The following CRMP1 variants were observed in gnomAD, a reference collection of about 807,000 sequenced individuals.
The protein encoded by CRMP1 is dihydropyrimidinase-related protein 1.
In CRMP1, 19 loss-of-function variants were observed where a neutral mutation model predicts 68.3. The ratio of observed to expected loss-of-function variants is 0.28; its 90% CI spans 0.19 to 0.41. CRMP1 has a LOEUF of 0.41. Among genes scored for constraint, CRMP1 ranks in the 10% least tolerant of loss-of-function variants. The probability of loss-of-function intolerance (pLI) is 1.00; values close to 1 mark genes in which losing one functional copy is unlikely to be tolerated. For missense variants in CRMP1, 791 were observed against 967.4 expected (o/e 0.82, Z 2.42); for synonymous variants, 439 against 399.6 (o/e 1.10, Z -1.18).
chr4:5,878,666 C>G (rs1471866524), intron 1 of CRMP1, among the ~76,000 whole-genome samples: 2 of 152,326 alleles, frequency 1.3e-5, no homozygotes, highest in Admixed American at 6.5e-5. Context: ...TACCTAGGCT[C>G]TAACGTGGCC....
In CRMP1 at chr4:5,867,655, G is replaced by A. The variant is rs113117972; in HGVS notation, c.382-899C>T. 7.9e-3 allele frequency among the ~76,000 whole-genome samples: 1,204 copies of A among 152,204 alleles called. 7 individuals are homozygous for A. Among genetic ancestry groups the A allele is most frequent in the Non-Finnish European group, 0.011 (739 of 68,008 alleles). On this transcript the variant is annotated intron_variant, in intron 1 of 13. Transcript: ENST00000324989. ...GGCACAGAGCTGGAATCTGCTTTCA[G>A]GGGGTTGACAGATGGAGAGACAGAT... is the stretch of plus-strand genomic sequence containing the variant.
chr4:5,856,825 C>T (rs1713105493), intron 3 of CRMP1, among the ~76,000 whole-genome samples: 1 of 147,656 alleles, frequency 6.8e-6, no homozygotes, highest in African/African-American at 2.5e-5. Context: ...ATCATTACCA[C>T]CATCCACTAT....
chr4:5,824,914 G>C, intron 13 of CRMP1: 1 of 985,392 alleles, frequency 1.0e-6, no homozygotes, highest in Non-Finnish European at 1.2e-6. Flanking sequence ...GGAGGGATCA[G>C]GTCAACATCT....
chr4:5,866,230 C>A lies in CRMP1; in HGVS notation c.470+438G>T, dbSNP rs1713989625. 6.6e-6 allele frequency among the ~76,000 whole-genome samples: 1 copy of A among 152,184 alleles called. No individual in the cohort carries two copies. The highest frequency in any genetic ancestry group is 2.4e-5 in the African/African-American group (1 of 41,444). On this transcript the variant is annotated intron_variant, in intron 2 of 13. Transcript: ENST00000324989. This position sits in a 1 kb window ranked among gnomAD's most constrained non-coding sequence, Gnocchi z 5.9. ...GCCACACATTCCTCCTTCCTCTCTG[C>A]TCTCCTCAACCCAATTCCAGAAACT...
chr4:5,827,116 A>AC (rs1014585821), intron 12 of CRMP1, among the ~76,000 whole-genome samples: 8 of 151,080 alleles, frequency 5.3e-5, no homozygotes, highest in African/African-American at 1.5e-4. Context: ...GTGCAATGGG[A>AC]CCCCCCGATC....
At position 5,872,551 on chromosome 4, in the gene CRMP1, G is replaced by A. The variant is rs1714531573; in HGVS notation, c.382-5795C>T. ...AAAATGCAAAAATTAGTTGGGCGTGGTGGCAGGCACCTGTAATCCCAGCTA... is the reference window on the plus strand; with the variant it reads ...AAAATGCAAAAATTAGTTGGGCGTGATGGCAGGCACCTGTAATCCCAGCTA... On this transcript the variant is annotated intron_variant, in intron 1 of 13. Transcript: ENST00000324989. The surrounding 1 kb of genome is among the most constrained non-coding windows in gnomAD (Gnocchi z 4.6). 6.6e-6 allele frequency among the ~76,000 whole-genome samples: 1 copy of A among 152,168 alleles called. No individual in the cohort carries two copies. Among genetic ancestry groups the A allele is most frequent in the African/African-American group, 2.4e-5 (1 of 41,446 alleles).
In CRMP1 at chr4:5,891,193, C is replaced by CAG. The variant is rs1313054741; in HGVS notation, c.381+1395_381+1396insCT. Among the ~76,000 whole-genome samples the CAG allele has an allele frequency of 2.0e-5, 3 of 150,912 alleles. No homozygotes were observed. The highest frequency in any genetic ancestry group is 4.4e-5 in the Non-Finnish European group (3 of 67,700). On this transcript the variant is annotated intron_variant, in intron 1 of 13. Coordinates refer to ENST00000324989, the MANE Select transcript of CRMP1 (RefSeq NM_001014809.3). The surrounding 1 kb of genome is among the most constrained non-coding windows in gnomAD (Gnocchi z 5.2). ...ACACACATACACACACACACACACACACACACACACACACACACACCCTTG... is the reference window on the plus strand; with the variant it reads ...ACACACATACACACACACACACACACAGACACACACACACACACACACCCTTG...
chr4:5,825,193 G>T lies in CRMP1; in HGVS notation c.1969+301C>A. 1.0e-6 allele frequency: 1 copy of T among 985,398 alleles called. No individual in the cohort carries two copies. Among genetic ancestry groups the T allele is most frequent in the Non-Finnish European group, 1.2e-6 (1 of 829,926 alleles). 61.0% of individuals were successfully genotyped at this position (985,398 alleles called of 1,614,324 possible). ...ACTCCATGTTTACTTTCATGAGGAA[G>T]AGTGTGAAAGTGTCCCCAAATGTGT... On this transcript the variant is annotated intron_variant, in intron 13 of 13. Transcript: ENST00000324989. This position sits in a 1 kb window ranked among gnomAD's most constrained non-coding sequence, Gnocchi z 4.4.
chr4:5,887,366 G>A, intron 1 of CRMP1: 2 of 985,574 alleles, frequency 2.0e-6, no homozygotes, highest in South Asian at 9.4e-5. Flanking sequence ...CCCGCCTCCC[G>A]GCCCCGGGCT....
intron 11 of CRMP1, among the ~76,000 whole-genome samples, chr4:5,833,679 G>C (rs1720532960): frequency 6.6e-6 from 1 of 152,174 alleles, no homozygotes; most frequent in African/African-American, 2.4e-5. Context: ...AACAGTATTT[G>C]GCTGGATTGT....
intron 1 of CRMP1, among the ~76,000 whole-genome samples, chr4:5,885,975 G>A (rs1715557472): frequency 6.6e-6 from 1 of 152,192 alleles, no homozygotes; most frequent in Admixed American, 6.5e-5. Context: ...ATTTAAGGCA[G>A]GGATCTGGTT....
chr4:5,851,909 AAG>A (rs1263032104), intron 4 of CRMP1, among the ~76,000 whole-genome samples: 5 of 135,368 alleles, frequency 3.7e-5, no homozygotes, highest in Non-Finnish European at 6.4e-5. Context: ...AAAAAGGAGA[AAG>A]AGAAGGAGAA....
chr4:5,870,447 G>A lies in CRMP1; in HGVS notation c.382-3691C>T, dbSNP rs902242840. ...GCATGACACAGGCGTTGGTGGGGAC[G>A]GCACTGCCTGGAGTTTGCACAGCAC... On this transcript the variant is annotated intron_variant, in intron 1 of 13. Transcript: ENST00000324989. The surrounding 1 kb of genome is among the most constrained non-coding windows in gnomAD (Gnocchi z 6.0). 3.3e-5 allele frequency among the ~76,000 whole-genome samples: 5 copies of A among 152,220 alleles called. No individual in the cohort carries two copies. Among genetic ancestry groups the A allele is most frequent in the African/African-American group, 9.6e-5 (4 of 41,462 alleles).
In CRMP1 at chr4:5,848,206, G is replaced by C. The variant is rs551856067; in HGVS notation, c.963+1186C>G. On this transcript the variant is annotated intron_variant, in intron 6 of 13. Transcript: ENST00000324989. ...GTTGCCCAGGCTGGAGTGCAGTGGC[G>C]TGATCTCAGCTCACTGCAAGCTCCA... Among the ~76,000 whole-genome samples the C allele has an allele frequency of 1.3e-4, 20 of 150,976 alleles. No individual in the cohort carries two copies. In the South Asian group the frequency reaches 4.2e-3, roughly 32 times the overall value.
rs111233177 is a variant in CRMP1 at position 5,854,716 on chromosome 4, C to T, written c.820+1427G>A. ...TGGTGGTGTCTTTCACCCATCGAAT[C>T]GGCAAGGATTTCATAGAAGCAATAA... On this transcript the variant is annotated intron_variant, in intron 4 of 13. Transcript: ENST00000324989. This position sits in a 1 kb window ranked among gnomAD's most constrained non-coding sequence, Gnocchi z 4.0. 7.3e-3 allele frequency among the ~76,000 whole-genome samples: 1,105 copies of T among 152,216 alleles called. 14 individuals are homozygous for T. The highest frequency in any genetic ancestry group is 0.025 in the African/African-American group (1,035 of 41,524).
intron 3 of CRMP1, 118 bp from the exon 4 acceptor site, chr4:5,856,425 CCAT>C (rs1193585453): frequency 2.2e-6 from 2 of 910,772 alleles, no homozygotes; most frequent in East Asian, 2.7e-5. Flanking sequence ...ATCATCATCA[CCAT>C]AATTATCACA....
rs947900552 is a variant in CRMP1, at chr4:5,860,845, C to T, written c.655+181G>A. Among the ~76,000 whole-genome samples, 1 of 152,130 alleles carries T rather than the reference C, an allele frequency of 6.6e-6. No homozygotes were observed. Among genetic ancestry groups the T allele is most frequent in the African/African-American group, 2.4e-5 (1 of 41,416 alleles). Reference sequence around the variant, plus strand: ...TTGTTTATTAAGCCATCTTCTGTGGCCCCAGTGGCACACACGGTATGCTCT... The same window carrying T: ...TTGTTTATTAAGCCATCTTCTGTGGTCCCAGTGGCACACACGGTATGCTCT... On this transcript the variant is annotated intron_variant, in intron 3 of 13. Coordinates refer to ENST00000324989, the MANE Select transcript of CRMP1 (RefSeq NM_001014809.3). This position sits in a 1 kb window ranked among gnomAD's most constrained non-coding sequence, Gnocchi z 4.2.
At chr4:5,823,506 C>G (rs545286940) in intron 13 of CRMP1, among the ~76,000 whole-genome samples, 2 of 152,252 alleles carry the variant, frequency 1.3e-5, no homozygotes, top group South Asian at 4.1e-4. Flanking sequence ...AAATTTGATC[C>G]CAAAGTTGGA....
intron 6 of CRMP1, among the ~76,000 whole-genome samples, chr4:5,846,306 A>T (rs550563523): frequency 3.9e-5 from 6 of 152,098 alleles, no homozygotes; most frequent in South Asian, 2.1e-4. Flanking sequence ...AAAAAAATTT[A>T]AAAAAAATTT....
Sources: allele counts gnomAD v4.1 joint callset (sites outside exome capture counted in the v4.1 genomes callset), GRCh38; gene constraint gnomAD v4.1.1; non-coding constraint Gnocchi (gnomAD v3.1); transcripts MANE v1.5; gene names NCBI Gene and HGNC (gene_info 2026-07-23, HGNC 2026-07-21).